Variants in LDLRAD4 observed in about 807,000 individuals in gnomAD.
The protein encoded by LDLRAD4 is low density lipoprotein receptor class A domain containing 4, also known as low-density lipoprotein receptor class A domain-containing protein 4.
In LDLRAD4, 5 loss-of-function variants were observed where a neutral mutation model predicts 17.0. That is an observed-to-expected ratio of 0.29 (90% confidence interval 0.15 to 0.62). The LOEUF is 0.62. Ranked by LOEUF, LDLRAD4 falls within the 20% of genes least tolerant of loss-of-function variation. LDLRAD4 has a pLI of 0.84. For synonymous variants in LDLRAD4, 168 were observed against 171.8 expected (o/e 0.98, Z 0.17); for missense variants, 340 against 424.7 (o/e 0.80, Z 1.75).
At chr18:13,345,090 T>C (rs576973120) in intron 1 of LDLRAD4, among the ~76,000 whole-genome samples, 13 of 152,324 alleles carry the variant, frequency 8.5e-5, no homozygotes, top group African/African-American at 2.9e-4. Context: ...TCCTGCCTGA[T>C]TGCCCTGGCC....
chr18:13,516,872 CAG>C (rs895298888), intron 3 of LDLRAD4, among the ~76,000 whole-genome samples: 9 of 152,132 alleles, frequency 5.9e-5, no homozygotes, highest in Admixed American at 2.0e-4. Context: ...TATTTTGAGA[CAG>C]GGTCTTGCTC....
chr18:13,552,673 A>C (rs994478279), intron 3 of LDLRAD4, among the ~76,000 whole-genome samples: 4 of 151,786 alleles, frequency 2.6e-5, no homozygotes, highest in Non-Finnish European at 5.9e-5. Context: ...GTGACTCTTC[A>C]CTCTTTCTTC....
chr18:13,589,136 G>A (rs2094975372), intron 3 of LDLRAD4, among the ~76,000 whole-genome samples: 1 of 152,048 alleles, frequency 6.6e-6, no homozygotes, highest in African/African-American at 2.4e-5. Context: ...GTTTTGCTGT[G>A]TTGGCCAGGC....
chr18:13,400,967 A>C (rs917463391), intron 2 of LDLRAD4, among the ~76,000 whole-genome samples: 2 of 152,352 alleles, frequency 1.3e-5, no homozygotes, highest in African/African-American at 4.8e-5. Flanking sequence ...TAGAGTAATC[A>C]AATGTATCCT....
At chr18:13,329,018 T>C (rs1204584249) in intron 1 of LDLRAD4, among the ~76,000 whole-genome samples, 1 of 152,256 alleles carries the variant, frequency 6.6e-6, no homozygotes, top group Non-Finnish European at 1.5e-5. Context: ...AGCCTCATTC[T>C]GTTTTACAGT....
chr18:13,289,053 G>T (rs1209678761), intron 1 of LDLRAD4, among the ~76,000 whole-genome samples: 2 of 152,214 alleles, frequency 1.3e-5, no homozygotes, highest in African/African-American at 2.4e-5. Flanking sequence ...AGAAACACCA[G>T]TCAGGCCTCA....
At chr18:13,583,550 G>A (rs374490268) in intron 3 of LDLRAD4, among the ~76,000 whole-genome samples, 2 of 152,186 alleles carry the variant, frequency 1.3e-5, no homozygotes, top group African/African-American at 4.8e-5. Flanking sequence ...AGAAAGAAAC[G>A]AGTTTGGCCG....
At chr18:13,590,302 GTA>G (rs1385448153) in intron 3 of LDLRAD4, among the ~76,000 whole-genome samples, 67 of 149,304 alleles carry the variant, frequency 4.5e-4, no homozygotes, top group African/African-American at 1.4e-3. Context: ...AGATAGGGGT[GTA>G]TGTGCGTGTG....
chr18:13,544,032 A>G (rs1229823700), intron 3 of LDLRAD4, among the ~76,000 whole-genome samples: 1 of 152,258 alleles, frequency 6.6e-6, no homozygotes, highest in South Asian at 2.1e-4. Context: ...GCATGCACAC[A>G]GTGTGCACAC....
intron 1 of LDLRAD4, among the ~76,000 whole-genome samples, chr18:13,377,577 A>G (rs911747711): frequency 1.6e-4 from 24 of 152,176 alleles, no homozygotes; most frequent in African/African-American, 4.8e-4. Context: ...TTAAGTTCTA[A>G]GAGGATATCA....
chr18:13,242,496 G>A (rs187180969), intron 1 of LDLRAD4, among the ~76,000 whole-genome samples: 23 of 152,232 alleles, frequency 1.5e-4, no homozygotes. Context: ...ACTTACTAAT[G>A]ATAGATTTTT....
chr18:13,264,424 A>C (rs1399191950), intron 1 of LDLRAD4, among the ~76,000 whole-genome samples: 1 of 152,270 alleles, frequency 6.6e-6, no homozygotes, highest in Admixed American at 6.5e-5. Context: ...GAAAATGCTT[A>C]GAAAGCCAGG....
At chr18:13,588,933 CT>C (rs151102496) in intron 3 of LDLRAD4, among the ~76,000 whole-genome samples, 19,104 of 137,472 alleles carry the variant, frequency 0.14, 944 homozygotes, top group Admixed American at 0.18. Context: ...TTCTTTTTTT[CT>C]TTTTTTTTTT....
chr18:13,437,120 T>C (rs1343502539), intron 2 of LDLRAD4, among the ~76,000 whole-genome samples: 1 of 152,226 alleles, frequency 6.6e-6, no homozygotes, highest in African/African-American at 2.4e-5. Flanking sequence ...GCCCAGCCTT[T>C]TATTTGAATG....
intron 4 of LDLRAD4, among the ~76,000 whole-genome samples, chr18:13,628,504 G>A (rs2041375448): frequency 6.6e-6 from 1 of 152,258 alleles, no homozygotes; most frequent in Non-Finnish European, 1.5e-5. Context: ...CTGTCTGAGT[G>A]AGCAAGGACT....
At position 13,523,823 on chromosome 18, in the gene LDLRAD4, G is replaced by C. The variant is rs371541315; in HGVS notation, c.181+85439G>C. Among the ~76,000 whole-genome samples the C allele has an allele frequency of 2.9e-3, 435 of 152,310 alleles. 1 individual carries two copies. The highest frequency in any genetic ancestry group is 0.01 in the African/African-American group (418 of 41,564). On this transcript the variant is annotated intron_variant, in intron 3 of 5. Transcript: ENST00000359446. Reference sequence around the variant, plus strand: ...CTGGTGACACGAACCTTTTGCTGTGGCTGACTCTAAGGTTAAGGTGGTCCC... The same window carrying C: ...CTGGTGACACGAACCTTTTGCTGTGCCTGACTCTAAGGTTAAGGTGGTCCC...
At chr18:13,614,135 T>TAAG (rs2039864236) in intron 3 of LDLRAD4, 1 of 152,216 alleles carries the variant, frequency 6.6e-6, no homozygotes, top group African/African-American at 2.4e-5. Flanking sequence ...TTGGGGTCCC[T>TAAG]TCGTTCTTAG....
At chr18:13,537,017 C>A (rs2147894434) in intron 3 of LDLRAD4, among the ~76,000 whole-genome samples, 1 of 152,182 alleles carries the variant, frequency 6.6e-6, no homozygotes, top group Admixed American at 6.5e-5. Flanking sequence ...TTGTTAGATT[C>A]TGTTTGCTAA....
chr18:13,281,950 GT>G (rs1261599774), intron 1 of LDLRAD4, among the ~76,000 whole-genome samples: 2 of 152,184 alleles, frequency 1.3e-5, no homozygotes, highest in African/African-American at 4.8e-5. Context: ...GGACCTAACA[GT>G]TTTGCATGGC....
Sources: gnomAD v4.1 joint callset for allele counts (sites outside exome capture counted in the v4.1 genomes callset) on GRCh38, gnomAD v4.1.1 for gene constraint, MANE v1.5 for transcripts, NCBI Gene and HGNC (gene_info 2026-07-23, HGNC 2026-07-21) for gene names.